The following THRB variants were observed in gnomAD, a reference collection of about 807,000 sequenced individuals.
THRB encodes thyroid hormone receptor beta, also known as nuclear receptor subfamily 1 group A member 2.
In THRB, 12 loss-of-function variants were observed where a neutral mutation model predicts 47.8. The observed-to-expected ratio is 0.25, with a 90% CI of 0.16 to 0.41. The LOEUF is 0.41. Among genes scored for constraint, THRB ranks in the 10% least tolerant of loss-of-function variants. The pLI is 1.00. For missense variants in THRB, 348 were observed against 589.2 expected (o/e 0.59, Z 4.24); for synonymous variants, 218 against 212.2 (o/e 1.03, Z -0.24).
intron 1 of THRB, among the ~76,000 whole-genome samples, chr3:24,444,198 A>G (rs2071837376): frequency 6.6e-6 from 1 of 152,186 alleles, no homozygotes; most frequent in Non-Finnish European, 1.5e-5. Context: ...ATGTTATAGG[A>G]CATAATCAAC....
At position 24,166,077 on chromosome 3, in the gene THRB, G is replaced by A. The variant is rs572817650; in HGVS notation, c.284-13587C>T. 7.2e-5 allele frequency among the ~76,000 whole-genome samples: 11 copies of A among 152,230 alleles called. No homozygotes were observed. The East Asian group carries it at 2.1e-3, about 29-fold the overall frequency. ...CATCTTCCCATGACACATAGGTCCC[G>A]CTGGTTTTTAAAACATGCCAAGGAA... On this transcript the variant is annotated intron_variant, in intron 5 of 10. Transcript: ENST00000646209.
intron 1 of THRB, chr3:24,430,668 C>T (rs940619021): frequency 6.6e-6 from 1 of 151,926 alleles, no homozygotes; most frequent in Non-Finnish European, 1.5e-5. Context: ...AAGAGAATTT[C>T]TTAAGAAAAG....
chr3:24,282,006 A>G (rs11129142), intron 3 of THRB, among the ~76,000 whole-genome samples: 90,599 of 124,506 alleles, frequency 0.73, 33,998 homozygotes, highest in African/African-American at 0.92. Context: ...ACACCCCACC[A>G]TCAACATTAG....
chr3:24,267,318 G>C (rs974786909), intron 3 of THRB, among the ~76,000 whole-genome samples: 13 of 151,116 alleles, frequency 8.6e-5, no homozygotes, highest in African/African-American at 3.2e-4. Flanking sequence ...TTCTAGAGAT[G>C]AGAAATATAA....
At chr3:24,218,881 T>C (rs892354061) in intron 4 of THRB, among the ~76,000 whole-genome samples, 3 of 152,164 alleles carry the variant, frequency 2.0e-5, no homozygotes, top group African/African-American at 7.2e-5. Flanking sequence ...TCTCATTTAT[T>C]TAAAAAAATT....
intron 1 of THRB, among the ~76,000 whole-genome samples, chr3:24,427,969 G>C (rs995391235): frequency 6.6e-6 from 1 of 151,956 alleles, no homozygotes; most frequent in African/African-American, 2.4e-5. Flanking sequence ...AAACTAGGAA[G>C]GTTTGCATAC....
At chr3:24,296,328 G>A (rs1461282367) in intron 3 of THRB, among the ~76,000 whole-genome samples, 1 of 152,202 alleles carries the variant, frequency 6.6e-6, no homozygotes, top group Admixed American at 6.5e-5. Context: ...AAAAGGCAGC[G>A]TTGATGTGGC....
At chr3:24,464,948 A>G (rs1267625417) in intron 1 of THRB, among the ~76,000 whole-genome samples, 1 of 152,162 alleles carries the variant, frequency 6.6e-6, no homozygotes, top group African/African-American at 2.4e-5. Context: ...CACAAAAAAT[A>G]GTTACTATTA....
At chr3:24,351,375 T>C (rs1239673178) in intron 1 of THRB, among the ~76,000 whole-genome samples, 1 of 152,132 alleles carries the variant, frequency 6.6e-6, no homozygotes, top group African/African-American at 2.4e-5. Flanking sequence ...ATCCTAATCC[T>C]TTCAAAATGA....
chr3:24,130,556 G>A (rs1344494181), intron 9 of THRB, among the ~76,000 whole-genome samples: 1 of 152,134 alleles, frequency 6.6e-6, no homozygotes, highest in East Asian at 1.9e-4. Context: ...CCCAAGAACT[G>A]GGGGCAAAGG....
At chr3:24,441,421 A>T (rs1436033767) in intron 1 of THRB, among the ~76,000 whole-genome samples, 1 of 152,196 alleles carries the variant, frequency 6.6e-6, no homozygotes, top group East Asian at 1.9e-4. Flanking sequence ...GTGGTAGAGG[A>T]GGGACCTGGA....
chr3:24,386,613 C>T (rs1346660187), intron 1 of THRB, among the ~76,000 whole-genome samples: 1 of 152,114 alleles, frequency 6.6e-6, no homozygotes, highest in Non-Finnish European at 1.5e-5. Context: ...AAACTCAAAA[C>T]ATCATCATAC....
chr3:24,132,247 T>C (rs2033974587), intron 9 of THRB, among the ~76,000 whole-genome samples: 1 of 152,174 alleles, frequency 6.6e-6, no homozygotes, highest in African/African-American at 2.4e-5. Flanking sequence ...ACCCTCTCTA[T>C]TTGGTATCTT....
chr3:24,488,148 C>A (rs955494733), intron 1 of THRB, among the ~76,000 whole-genome samples: 3 of 152,194 alleles, frequency 2.0e-5, no homozygotes, highest in African/African-American at 7.2e-5. Context: ...AGAAGATATG[C>A]CTGCTTTCAG....
chr3:24,291,036 A>G (rs981407770), intron 3 of THRB, among the ~76,000 whole-genome samples: 8 of 152,076 alleles, frequency 5.3e-5, no homozygotes, highest in African/African-American at 1.7e-4. Context: ...ACACTAATTG[A>G]TCCCCTCCAA....
intron 3 of THRB, among the ~76,000 whole-genome samples, chr3:24,254,520 T>C (rs2051042336): frequency 6.6e-6 from 1 of 152,158 alleles, no homozygotes; most frequent in Non-Finnish European, 1.5e-5. Context: ...AAGAACAGTG[T>C]CACTAAAATA....
At chr3:24,281,034 C>G (rs1238689714) in intron 3 of THRB, among the ~76,000 whole-genome samples, 1 of 152,128 alleles carries the variant, frequency 6.6e-6, no homozygotes, top group Non-Finnish European at 1.5e-5. Flanking sequence ...TCCAGGAGAA[C>G]TTCCCCAATC....
At chr3:24,294,637 A>G (rs987595902) in intron 3 of THRB, among the ~76,000 whole-genome samples, 32 of 152,316 alleles carry the variant, frequency 2.1e-4, no homozygotes, top group Admixed American at 4.6e-4. Context: ...CTGAGCGGAC[A>G]GCCTGGGAAC....
rs143720655 is a variant in THRB, at chr3:24,199,881, T to C, written c.23-9547A>G. 3.1e-3 allele frequency among the ~76,000 whole-genome samples: 474 copies of C among 152,292 alleles called. 2 individuals are homozygous for C. The highest frequency in any genetic ancestry group is 5.4e-3 in the Non-Finnish European group (370 of 68,018). ...GTGACCAGGTTCATAGGCAACATCT[T>C]ACAATTATTTAACCACATAGGAACA... On this transcript the variant is annotated intron_variant, in intron 4 of 10. Coordinates refer to ENST00000646209, the MANE Select transcript of THRB (RefSeq NM_001354712.2).
Sources: gnomAD v4.1 joint callset for allele counts (sites outside exome capture counted in the v4.1 genomes callset) on GRCh38, gnomAD v4.1.1 for gene constraint, MANE v1.5 for transcripts, NCBI Gene and HGNC (gene_info 2026-07-23, HGNC 2026-07-21) for gene names.